The following B3GALT1 variants were observed in gnomAD, a reference collection of about 807,000 sequenced individuals.
B3GALT1 encodes beta-1,3-galactosyltransferase 1, also known as UDP-Gal:betaGlcNAc beta 1,3-galactosyltransferase, polypeptide 1.
In B3GALT1, 10 loss-of-function variants were observed where a neutral mutation model predicts 23.2. The ratio of observed to expected loss-of-function variants is 0.43; its 90% CI spans 0.27 to 0.73. B3GALT1 has a LOEUF of 0.73. Among genes scored for constraint, B3GALT1 ranks in the 30% least tolerant of loss-of-function variants. B3GALT1 has a pLI of 0.21. For synonymous variants in B3GALT1, 156 were observed against 141.5 expected, an observed-to-expected ratio of 1.10 and a Z score of -0.73; for missense variants, 299 against 405.4, an observed-to-expected ratio of 0.74 and a Z score of 2.25.
At chr2:167,401,985 T>C (rs534968214) in intron 1 of B3GALT1, among the ~76,000 whole-genome samples, 16 of 152,122 alleles carry the variant, frequency 1.1e-4, no homozygotes, top group Non-Finnish European at 2.1e-4. Context: ...TGCCAATAAA[T>C]GGTTTGAGAC....
At chr2:167,452,005 A>G (rs1699100272) in intron 1 of B3GALT1, among the ~76,000 whole-genome samples, 1 of 152,132 alleles carries the variant, frequency 6.6e-6, no homozygotes. Flanking sequence ...ATGGAGCCCA[A>G]GAGGCTGGTC....
chr2:167,508,365 T>C (rs1339112839), intron 2 of B3GALT1, among the ~76,000 whole-genome samples: 4 of 151,748 alleles, frequency 2.6e-5, no homozygotes, highest in African/African-American at 9.7e-5. Context: ...TTCACACCAT[T>C]TTCCTGCCTC....
chr2:167,842,853 A>G (rs980113170), intron 4 of B3GALT1, among the ~76,000 whole-genome samples: 7 of 152,146 alleles, frequency 4.6e-5, no homozygotes, highest in Admixed American at 1.3e-4. Context: ...AGCCTGCACA[A>G]CAGACCCTGA....
At chr2:167,478,577 T>TA (rs397767638) in intron 1 of B3GALT1, among the ~76,000 whole-genome samples, 35 of 151,810 alleles carry the variant, frequency 2.3e-4, no homozygotes, top group South Asian at 1.7e-3. Context: ...AGTTTTTTTT[T>TA]AAATTATACT....
At chr2:167,820,577 G>A (rs1194303722) in intron 4 of B3GALT1, among the ~76,000 whole-genome samples, 1 of 152,192 alleles carries the variant, frequency 6.6e-6, no homozygotes. Flanking sequence ...CTGTGTGACT[G>A]CAAAGAACAG....
intron 3 of B3GALT1, among the ~76,000 whole-genome samples, chr2:167,760,037 G>A (rs1209273480): frequency 6.6e-6 from 1 of 151,990 alleles, no homozygotes; most frequent in African/African-American, 2.4e-5. Flanking sequence ...TATCATTGAG[G>A]GAGTCTCAAC....
intron 1 of B3GALT1, among the ~76,000 whole-genome samples, chr2:167,421,191 A>C (rs1175783681): frequency 6.6e-6 from 1 of 152,238 alleles, no homozygotes; most frequent in East Asian, 1.9e-4. Flanking sequence ...TTATATTTCT[A>C]ATGTAAATTA....
At chr2:167,351,631 ATGT>A (rs1207228500) in intron 1 of B3GALT1, among the ~76,000 whole-genome samples, 1 of 152,178 alleles carries the variant, frequency 6.6e-6, no homozygotes, top group African/African-American at 2.4e-5. Context: ...ATGTTCAGTG[ATGT>A]TTATATTTCT....
intron 1 of B3GALT1, among the ~76,000 whole-genome samples, chr2:167,312,760 C>T (rs1255358407): frequency 6.6e-6 from 1 of 152,070 alleles, no homozygotes; most frequent in African/African-American, 2.4e-5. Context: ...GAAAAACTAT[C>T]ACTCTTCACT....
At chr2:167,437,048 C>A (rs1452943115) in intron 1 of B3GALT1, among the ~76,000 whole-genome samples, 2 of 152,124 alleles carry the variant, frequency 1.3e-5, no homozygotes, top group African/African-American at 4.8e-5. Context: ...GGAAGTGTAT[C>A]CCCAAGCTCC....
chr2:167,443,150 GT>G (rs1698922011), intron 1 of B3GALT1, among the ~76,000 whole-genome samples: 1 of 151,750 alleles, frequency 6.6e-6, no homozygotes, highest in Non-Finnish European at 1.5e-5. Context: ...CCCATTGCTT[GT>G]TTTTCTCAGG....
At chr2:167,772,779 C>G (rs1688094618) in intron 3 of B3GALT1, among the ~76,000 whole-genome samples, 1 of 152,178 alleles carries the variant, frequency 6.6e-6, no homozygotes, top group Non-Finnish European at 1.5e-5. Flanking sequence ...TTATTCTTCC[C>G]AAGCTCATAT....
chr2:167,542,958 G>A (rs1291145339), intron 2 of B3GALT1, among the ~76,000 whole-genome samples: 1 of 152,010 alleles, frequency 6.6e-6, no homozygotes, highest in Non-Finnish European at 1.5e-5. Context: ...AGTTCTTGGT[G>A]TGAAAATGTA....
intron 2 of B3GALT1, among the ~76,000 whole-genome samples, chr2:167,528,579 A>T (rs1683264314): frequency 6.6e-6 from 1 of 152,130 alleles, no homozygotes; most frequent in Admixed American, 6.6e-5. Context: ...GTTGCATGAC[A>T]TTAGACAAGT....
intron 2 of B3GALT1, among the ~76,000 whole-genome samples, chr2:167,545,934 A>G (rs1683629273): frequency 6.6e-6 from 1 of 152,228 alleles, no homozygotes; most frequent in African/African-American, 2.4e-5. Context: ...CTTTAAATAC[A>G]AAATTCATTT....
intron 3 of B3GALT1, among the ~76,000 whole-genome samples, chr2:167,736,349 A>T (rs1227101971): frequency 2.6e-5 from 4 of 152,226 alleles, no homozygotes; most frequent in Admixed American, 2.6e-4. Context: ...ATGTCAAAAG[A>T]TAATTCAGCA....
intron 2 of B3GALT1, among the ~76,000 whole-genome samples, chr2:167,610,964 T>A (rs1450786382): frequency 7.0e-6 from 1 of 143,586 alleles, no homozygotes; most frequent in Non-Finnish European, 1.5e-5. Context: ...CAAGAACACC[T>A]GGACACAAAG....
At chr2:167,581,680 T>C (rs536613257) in intron 2 of B3GALT1, among the ~76,000 whole-genome samples, 44 of 152,332 alleles carry the variant, frequency 2.9e-4, no homozygotes, top group Admixed American at 2.8e-3. Flanking sequence ...CAGAGAACTG[T>C]ATTGCAAGAC....
chr2:167,627,709 T>C (rs531203636), intron 2 of B3GALT1, among the ~76,000 whole-genome samples: 2 of 151,822 alleles, frequency 1.3e-5, no homozygotes, highest in African/African-American at 4.8e-5. Flanking sequence ...AACTGGGTCA[T>C]ATGAGAAGTG....
Sources: allele counts gnomAD v4.1 joint callset (sites outside exome capture counted in the v4.1 genomes callset), GRCh38; gene constraint gnomAD v4.1.1; transcripts MANE v1.5; gene names NCBI Gene and HGNC (gene_info 2026-07-23, HGNC 2026-07-21).